NPAS3: variants seen among roughly 807,000 people sequenced by gnomAD.
NPAS3 encodes the protein neuronal PAS domain protein 3.
A neutral mutation model predicts 73.1 loss-of-function variants in NPAS3; 14 were observed. The observed-to-expected ratio is 0.19, with a 90% confidence interval of 0.13 to 0.30. The LOEUF (loss-of-function observed/expected upper bound fraction) is 0.30, where lower values mean the gene tolerates loss of function less well. Among genes scored for constraint, NPAS3 ranks in the 10% least tolerant of loss-of-function variants. The pLI is 1.00. For synonymous variants in NPAS3, 620 were observed against 541.5 expected (o/e 1.14, Z -2.01); for missense variants, 1,096 against 1,250.0 (o/e 0.88, Z 1.86).
chr14:32,959,657 C>T (rs967123116), intron 1 of NPAS3, among the ~76,000 whole-genome samples: 5 of 152,162 alleles, frequency 3.3e-5, no homozygotes, highest in African/African-American at 4.8e-5. Context: ...AGCACTTTCA[C>T]GTAGCTGCAT....
intron 4 of NPAS3, among the ~76,000 whole-genome samples, chr14:33,513,279 AT>A (rs1342537324): frequency 1.3e-5 from 2 of 152,114 alleles, no homozygotes; most frequent in East Asian, 3.9e-4. Context: ...TAATGAACAT[AT>A]ATATTCTAGT....
chr14:33,655,276 T>C (rs2059111848), intron 5 of NPAS3, among the ~76,000 whole-genome samples: 1 of 151,286 alleles, frequency 6.6e-6, no homozygotes, highest in Admixed American at 6.6e-5. Context: ...CAGCTCAAGC[T>C]GACAAAAGTA....
chr14:33,463,010 G>T (rs1435014340), intron 4 of NPAS3, among the ~76,000 whole-genome samples: 1 of 152,174 alleles, frequency 6.6e-6, no homozygotes, highest in Non-Finnish European at 1.5e-5. Flanking sequence ...GTGAGTTAAC[G>T]ATTTCCTTAT....
intron 1 of NPAS3, among the ~76,000 whole-genome samples, chr14:33,033,472 C>T (rs2040064559): frequency 6.6e-6 from 1 of 151,974 alleles, no homozygotes; most frequent in Non-Finnish European, 1.5e-5. Context: ...GAGTGAGACC[C>T]TAACTCAAAT....
chr14:33,735,420 A>G, intron 7 of NPAS3, 88 bp downstream of exon 7: 1 of 894,912 alleles, frequency 1.1e-6, no homozygotes, highest in Non-Finnish European at 1.9e-6. Flanking sequence ...TTAGGTCCAT[A>G]TAATGAATAC....
intron 6 of NPAS3, among the ~76,000 whole-genome samples, chr14:33,719,170 A>G (rs1030721637): frequency 1.6e-4 from 25 of 152,042 alleles, no homozygotes; most frequent in African/African-American, 6.0e-4. Flanking sequence ...AAACTTCCCA[A>G]TTCCGTGGCA....
At chr14:33,004,904 C>G (rs1330394628) in intron 1 of NPAS3, among the ~76,000 whole-genome samples, 1 of 136,314 alleles carries the variant, frequency 7.3e-6, no homozygotes, top group African/African-American at 2.7e-5. Context: ...TATACGGTAT[C>G]AAGGTCACTA....
At chr14:33,407,334 G>A (rs895734081) in intron 4 of NPAS3, among the ~76,000 whole-genome samples, 5 of 151,976 alleles carry the variant, frequency 3.3e-5, no homozygotes, top group African/African-American at 1.2e-4. Flanking sequence ...TTTTCTCTAG[G>A]GATTTTGGTA....
At chr14:33,265,763 GT>G (rs2040786196) in intron 3 of NPAS3, among the ~76,000 whole-genome samples, 1 of 151,862 alleles carries the variant, frequency 6.6e-6, no homozygotes, top group Non-Finnish European at 1.5e-5. Context: ...TACTTTCTTT[GT>G]TACTTTTTTA....
At chr14:33,755,027 T>A (rs60579647) in intron 7 of NPAS3, among the ~76,000 whole-genome samples, 1 of 152,186 alleles carries the variant, frequency 6.6e-6, no homozygotes, top group African/African-American at 2.4e-5. Flanking sequence ...TGCAGAGCCC[T>A]GGCCTTAGGA....
intron 1 of NPAS3, among the ~76,000 whole-genome samples, chr14:32,945,306 A>C (rs2036206353): frequency 6.6e-6 from 1 of 152,300 alleles, no homozygotes; most frequent in South Asian, 2.1e-4. Context: ...AATTGTAGTA[A>C]ATTTTATAAA....
At chr14:33,330,832 T>C (rs1364197609) in intron 3 of NPAS3, among the ~76,000 whole-genome samples, 1 of 152,212 alleles carries the variant, frequency 6.6e-6, no homozygotes, top group Non-Finnish European at 1.5e-5. Flanking sequence ...AGAGAGAAGC[T>C]TGCAATTTAT....
At chr14:33,496,048 A>G (rs566123627) in intron 4 of NPAS3, among the ~76,000 whole-genome samples, 1 of 152,278 alleles carries the variant, frequency 6.6e-6, no homozygotes, top group South Asian at 2.1e-4. Flanking sequence ...AGAAATACAA[A>G]CTACCATCAG....
At chr14:33,362,055 G>T (rs547545765) in intron 3 of NPAS3, among the ~76,000 whole-genome samples, 1 of 152,034 alleles carries the variant, frequency 6.6e-6, no homozygotes, top group Non-Finnish European at 1.5e-5. Context: ...ATAACAGTGC[G>T]TCATGTATGT....
intron 4 of NPAS3, among the ~76,000 whole-genome samples, chr14:33,558,480 G>A (rs946235438): frequency 6.6e-6 from 1 of 152,054 alleles, no homozygotes; most frequent in Non-Finnish European, 1.5e-5. Context: ...TGCTGGTCTT[G>A]AACTCCTGGT....
In NPAS3 at chr14:33,121,838, ATG is replaced by A. The variant is rs562755111; in HGVS notation, c.140+65846_140+65847del. Among the ~76,000 whole-genome samples, 19 of 152,290 alleles carry A rather than the reference ATG, an allele frequency of 1.2e-4. No homozygotes were observed. The East Asian group carries it at 3.3e-3, about 26-fold the overall frequency. The stretch of plus-strand genomic sequence containing the variant: ...TGAGAAAACTCAGGTGAATTAAAAA[ATG>A]TATTTCTAAGGATTTGATTATACCT... On this transcript the variant is annotated intron_variant, in intron 2 of 11. Transcript: ENST00000356141.
intron 5 of NPAS3, among the ~76,000 whole-genome samples, chr14:33,671,462 A>C (rs757714159): frequency 6.6e-6 from 1 of 152,184 alleles, no homozygotes; most frequent in Non-Finnish European, 1.5e-5. Flanking sequence ...ATGTGAAATA[A>C]ATTTGAGAAA....
intron 9 of NPAS3, among the ~76,000 whole-genome samples, chr14:33,783,248 A>G (rs2063036770): frequency 6.6e-6 from 1 of 152,170 alleles, no homozygotes; most frequent in African/African-American, 2.4e-5. Context: ...GAAAAGGTGG[A>G]AAGTTTGATG....
intron 3 of NPAS3, among the ~76,000 whole-genome samples, chr14:33,338,257 C>G (rs889077325): frequency 2.0e-5 from 3 of 152,038 alleles, no homozygotes; most frequent in Non-Finnish European, 2.9e-5. Context: ...GTCTAAGCCT[C>G]TTTGCTTTCT....
Sources: gnomAD v4.1 joint callset for allele counts (sites outside exome capture counted in the v4.1 genomes callset) on GRCh38, gnomAD v4.1.1 for gene constraint, MANE v1.5 for transcripts, NCBI Gene and HGNC (gene_info 2026-07-23, HGNC 2026-07-21) for gene names.